The following ITGB5 variants were observed in gnomAD, a reference collection of about 807,000 sequenced individuals.
ITGB5 encodes integrin subunit beta 5, also known as integrin beta-5.
Under a neutral mutation model 84.8 loss-of-function variants are expected in ITGB5, and 38 were observed. The ratio of observed to expected loss-of-function variants is 0.45; its 90% CI spans 0.35 to 0.59. ITGB5 has a LOEUF of 0.59. ITGB5 is among the 20% of genes least tolerant of loss of function. The probability of loss-of-function intolerance (pLI) is 0.01; values close to 1 mark genes in which losing one functional copy is unlikely to be tolerated. For synonymous variants in ITGB5, 393 were observed against 414.4 expected, an observed-to-expected ratio of 0.95 and a Z score of 0.63; for missense variants, 905 against 1,034.5, an observed-to-expected ratio of 0.87 and a Z score of 1.72.
intron 8 of ITGB5, among the ~76,000 whole-genome samples, chr3:124,812,785 C>T (rs2064525350): frequency 6.6e-6 from 1 of 152,220 alleles, no homozygotes; most frequent in South Asian, 2.1e-4. Flanking sequence ...CTTGATTCTA[C>T]AAGACATGAA....
At chr3:124,834,595 A>G (rs1198139806) in intron 5 of ITGB5, among the ~76,000 whole-genome samples, 1 of 100,036 alleles carries the variant, frequency 1.0e-5, no homozygotes, top group East Asian at 3.8e-4. Flanking sequence ...AGAAGGAAGG[A>G]AAGAGAGAGA....
rs1404339631 is a variant in ITGB5, at chr3:124,763,786, G to A, written c.2305-68C>T. 6 of 925,466 alleles carry A rather than the reference G, an allele frequency of 6.5e-6. No individual in the cohort carries two copies. In the East Asian group the frequency reaches 9.9e-5, roughly 15 times the overall value. 57.3% of individuals were successfully genotyped at this position (925,466 alleles called of 1,614,324 possible). On this transcript the variant is annotated intron_variant, in intron 14 of 14. Coordinates refer to ENST00000296181, the MANE Select transcript of ITGB5 (RefSeq NM_002213.5). Reference sequence around the variant, plus strand: ...TCACACACTCAAACCGACAGACGCAGGCCCTAGGATCCCTTCCCAGGTCAG... The same window carrying A: ...TCACACACTCAAACCGACAGACGCAAGCCCTAGGATCCCTTCCCAGGTCAG...
chr3:124,803,420 C>T (rs1286020653), intron 9 of ITGB5, among the ~76,000 whole-genome samples: 1 of 152,326 alleles, frequency 6.6e-6, no homozygotes. Context: ...CCTTATAAAG[C>T]TGCTGTAAGA....
At chr3:124,808,032 G>T (rs964342596) in intron 9 of ITGB5, among the ~76,000 whole-genome samples, 1 of 149,802 alleles carries the variant, frequency 6.7e-6, no homozygotes, top group South Asian at 2.1e-4. Context: ...TGAAGGCAGG[G>T]ATGGGAGAGG....
upstream of ITGB5, among the ~76,000 whole-genome samples, chr3:124,888,206 C>T (rs893327164): frequency 2.0e-5 from 3 of 152,090 alleles, no homozygotes; most frequent in African/African-American, 4.8e-5. Context: ...TGCGAGCCAC[C>T]GTGCCCGGCC....
intron 5 of ITGB5, among the ~76,000 whole-genome samples, chr3:124,827,705 G>A (rs982853317): frequency 1.1e-4 from 16 of 152,186 alleles, no homozygotes; most frequent in African/African-American, 2.7e-4. Context: ...TGACCTGCAC[G>A]TATACATCCA....
chr3:124,886,964 G>A lies in ITGB5; in HGVS notation c.37C>T (p.Leu13=), dbSNP rs1327808697. Residue 13 remains leucine, a synonymous_variant, in exon 1 of 15, where the codon CTG becomes TTG. Transcript: ENST00000296181. ...RAPAPLYACL[L]GLCALLPRLA... ...CGGGGCAGGAGCGCGCAGAGCCCCA[G>A]GAGGCAGGCGTACAGCGGCGCCGGG... 8 of 1,206,772 alleles carry A rather than the reference G, an allele frequency of 6.6e-6. No individual in the cohort carries two copies. Among genetic ancestry groups the A allele is most frequent in the Non-Finnish European group, 8.2e-6 (8 of 972,162 alleles). The allele number at this position is 1,206,772 out of a possible 1,614,324, so 74.8% of individuals were successfully genotyped here.
chr3:124,795,462 C>T (rs756261976), intron 10 of ITGB5, among the ~76,000 whole-genome samples: 1 of 151,798 alleles, frequency 6.6e-6, no homozygotes, highest in Non-Finnish European at 1.5e-5. Context: ...GCACTCCAGC[C>T]TGGGCAACAG....
chr3:124,801,198 G>A (rs1199682113), intron 9 of ITGB5, among the ~76,000 whole-genome samples: 1 of 152,138 alleles, frequency 6.6e-6, no homozygotes, highest in Non-Finnish European at 1.5e-5. Flanking sequence ...CTTTGTGCTG[G>A]GCGTCTGTGC....
chr3:124,896,947 A>C, intron 1 of ITGB5, among the ~76,000 whole-genome samples: 1 of 151,910 alleles, frequency 6.6e-6, no homozygotes. Context: ...AAGAAAAAGG[A>C]GGCAGAGCAC....
chr3:124,803,721 A>T (rs2064352048), intron 9 of ITGB5, among the ~76,000 whole-genome samples: 1 of 151,934 alleles, frequency 6.6e-6, no homozygotes. Context: ...AGTCAGCGGC[A>T]CTCTCCCGTG....
chr3:124,802,267 A>G (rs978074051), intron 9 of ITGB5, among the ~76,000 whole-genome samples: 1 of 152,216 alleles, frequency 6.6e-6, no homozygotes, highest in African/African-American at 2.4e-5. Flanking sequence ...GTCACTGGCA[A>G]GTTCTGAAAT....
At chr3:124,860,199 TA>T (rs2065277137) in intron 2 of ITGB5, among the ~76,000 whole-genome samples, 1 of 152,166 alleles carries the variant, frequency 6.6e-6, no homozygotes, top group Admixed American at 6.6e-5. Flanking sequence ...GTATTACTTA[TA>T]ATATAATCTT....
chr3:124,860,184 C>T (rs904656955), intron 2 of ITGB5, among the ~76,000 whole-genome samples: 14 of 152,080 alleles, frequency 9.2e-5, no homozygotes, highest in African/African-American at 1.2e-4. Flanking sequence ...GTGATATATA[C>T]GGCAGTATTA....
Position 124,817,725 on chromosome 3 carries a change from T to C in ITGB5, c.1039-15A>G, listed in dbSNP as rs201402241. The stretch of plus-strand genomic sequence containing the variant: ...GCTGTAAAATTCTTGGGAAAAAAAG[T>C]AAAGAAAAGAAATAAGTTCATTTTG... On this transcript the variant is annotated splice_polypyrimidine_tract_variant and intron_variant, in intron 7 of 14. Transcript: ENST00000296181. 8.1e-6 allele frequency: 12 copies of C among 1,483,288 alleles called. No homozygotes were observed. Among genetic ancestry groups the C allele is most frequent in the African/African-American group, 1.4e-5 (1 of 71,456 alleles). The allele number at this position is 1,483,288 out of a possible 1,614,324, so 91.9% of individuals were successfully genotyped here.
At position 124,802,448 on chromosome 3, in the gene ITGB5, G is replaced by A. The variant is rs115211205; in HGVS notation, c.1264-5631C>T. On this transcript the variant is annotated intron_variant, in intron 9 of 14. Transcript: ENST00000296181. The stretch of plus-strand genomic sequence containing the variant: ...AAAACCAGACTGGTCCCAGCTGTAA[G>A]TGCACCCCTTCTGTCTTGGGGATCA... Among the ~76,000 whole-genome samples, 669 of 152,304 alleles carry A rather than the reference G, an allele frequency of 4.4e-3. 9 individuals are homozygous for A. Among genetic ancestry groups the A allele is most frequent in the African/African-American group, 0.015 (635 of 41,564 alleles).
At position 124,821,480 on chromosome 3, in the gene ITGB5, G is replaced by T. The variant is rs755840593; in HGVS notation, c.781-6C>A. The T allele has an allele frequency of 1.5e-5, 25 of 1,613,960 alleles. No homozygotes were observed. The highest frequency in any genetic ancestry group is 1.6e-4 in the Middle Eastern group (1 of 6,084). On this transcript the variant is annotated splice_polypyrimidine_tract_variant and splice_region_variant and intron_variant, in intron 5 of 14. Transcript: ENST00000296181. ...TTTCGCCAGCCAATCTTCTCCTGAA[G>T]GACAGAAGGTGGATGGGTACACCAG...
chr3:124,770,668 AG>A lies in ITGB5; in HGVS notation c.1917-1556del, dbSNP rs887884448. 1.2e-3 allele frequency among the ~76,000 whole-genome samples: 186 copies of A among 152,290 alleles called. 1 individual carries two copies. The highest frequency in any genetic ancestry group is 4.1e-3 in the African/African-American group (171 of 41,560). On this transcript the variant is annotated intron_variant, in intron 11 of 14. Coordinates refer to ENST00000296181, the MANE Select transcript of ITGB5 (RefSeq NM_002213.5). ...AGCCAGGTGCCCCACCTCTCAGACT[AG>A]GCTTCCTAAGAGGTTCTAACATGCT... is the stretch of plus-strand genomic sequence containing the variant.
At chr3:124,883,535 T>A (rs1325440683) in intron 1 of ITGB5, among the ~76,000 whole-genome samples, 1 of 152,204 alleles carries the variant, frequency 6.6e-6, no homozygotes, top group African/African-American at 2.4e-5. Flanking sequence ...TACAGAGAGC[T>A]GCAGACCCAG....
Sources: gnomAD v4.1 joint callset for allele counts (sites outside exome capture counted in the v4.1 genomes callset) on GRCh38, gnomAD v4.1.1 for gene constraint, MANE v1.5 for transcripts, NCBI Gene and HGNC (gene_info 2026-07-23, HGNC 2026-07-21) for gene names.